Variants in SENP5 observed in about 807,000 individuals in gnomAD.
SENP5 encodes the protein sentrin-specific protease 5.
In SENP5, 21 loss-of-function variants were observed where a neutral mutation model predicts 74.2. The ratio of observed to expected loss-of-function variants is 0.28; its 90% confidence interval spans 0.20 to 0.41. The LOEUF is 0.41. Ranked by LOEUF, SENP5 falls within the 10% of genes least tolerant of loss-of-function variation. The probability of loss-of-function intolerance (pLI) is 1.00; values close to 1 mark genes in which losing one functional copy is unlikely to be tolerated. For synonymous variants in SENP5, 311 were observed against 312.7 expected, an observed-to-expected ratio of 0.99 and a Z score of 0.06; for missense variants, 717 against 889.1, an observed-to-expected ratio of 0.81 and a Z score of 2.46.
chr3:196,871,350 A>G (rs529873166), intron 1 of SENP5, among the ~76,000 whole-genome samples: 1 of 152,262 alleles, frequency 6.6e-6, no homozygotes, highest in African/African-American at 2.4e-5. Context: ...TTCTGACAGG[A>G]GACAAGTAGA....
chr3:196,912,117 A>G (rs749206560), intron 6 of SENP5, among the ~76,000 whole-genome samples: 9 of 152,208 alleles, frequency 5.9e-5, no homozygotes, highest in Non-Finnish European at 8.8e-5. Context: ...CTCTATAGAG[A>G]CATATGCGTG....
intron 1 of SENP5, among the ~76,000 whole-genome samples, chr3:196,884,678 T>TTTG (rs200526543): frequency 0.013 from 1,999 of 150,756 alleles, 56 homozygotes; most frequent in African/African-American, 0.047. Context: ...TTTTTTGTTT[T>TTTG]TTTTTTTTTT....
chr3:196,873,781 G>T (rs1713330441), intron 1 of SENP5, among the ~76,000 whole-genome samples: 1 of 152,144 alleles, frequency 6.6e-6, no homozygotes, highest in Admixed American at 6.5e-5. Context: ...GGAGCTTGCA[G>T]TGAGCTGAGA....
rs547194700 is a variant in SENP5 at position 196,894,739 on chromosome 3, C to T, written c.1514-4927C>T. On this transcript the variant is annotated intron_variant, in intron 2 of 9. Transcript: ENST00000323460. Reference sequence around the variant, plus strand: ...AGTTTTATCATTTGACAGGACCTGGCGCTCCTTATTCACCTCTCTCCTTTA... The same window carrying T: ...AGTTTTATCATTTGACAGGACCTGGTGCTCCTTATTCACCTCTCTCCTTTA... Among the ~76,000 whole-genome samples the T allele has an allele frequency of 3.0e-3, 454 of 152,136 alleles. 3 individuals carry two copies. The highest frequency in any genetic ancestry group is 5.3e-3 in the Non-Finnish European group (358 of 67,998).
intron 7 of SENP5, among the ~76,000 whole-genome samples, chr3:196,926,948 T>G (rs1423832647): frequency 6.6e-6 from 1 of 152,098 alleles, no homozygotes; most frequent in Non-Finnish European, 1.5e-5. Context: ...CTGGCCCTGG[T>G]CCACTTTTGT....
At chr3:196,871,956 T>C (rs1191624349) in intron 1 of SENP5, among the ~76,000 whole-genome samples, 3 of 152,166 alleles carry the variant, frequency 2.0e-5, no homozygotes, top group Non-Finnish European at 2.9e-5. Flanking sequence ...TAGCAAAACA[T>C]TTTGGAAGCT....
chr3:196,893,496 A>G (rs777865629), intron 2 of SENP5, among the ~76,000 whole-genome samples: 1 of 152,218 alleles, frequency 6.6e-6, no homozygotes, highest in Non-Finnish European at 1.5e-5. Context: ...TAATTGTTAC[A>G]TTATTTAGAG....
intron 2 of SENP5, among the ~76,000 whole-genome samples, chr3:196,898,195 G>GAA (rs1714531835): frequency 2.1e-5 from 3 of 145,532 alleles, no homozygotes; most frequent in Non-Finnish European, 4.6e-5. Flanking sequence ...AAAGAAAAAA[G>GAA]AAAAGAAAGA....
At position 196,906,798 on chromosome 3, in the gene SENP5, G is replaced by C. The variant is rs539562509; in HGVS notation, c.1884+3188G>C. 3.4e-4 allele frequency among the ~76,000 whole-genome samples: 52 copies of C among 152,270 alleles called. 1 individual carries two copies. In the South Asian group the frequency reaches 8.7e-3, roughly 25 times the overall value. On this transcript the variant is annotated intron_variant, in intron 6 of 9. Transcript: ENST00000323460. The stretch of plus-strand genomic sequence containing the variant: ...TAAATGTAATAGGAAACCATTGAAT[G>C]GTTTTTAGTGACATTATCCACTTTG...
intron 1 of SENP5, among the ~76,000 whole-genome samples, chr3:196,879,138 C>T (rs1713613014): frequency 6.6e-6 from 1 of 151,994 alleles, no homozygotes; most frequent in African/African-American, 2.4e-5. Context: ...ATCCTTGGAC[C>T]CCAGCGGTAA....
chr3:196,892,080 G>A (rs539780935), intron 2 of SENP5, among the ~76,000 whole-genome samples: 18 of 151,472 alleles, frequency 1.2e-4, no homozygotes, highest in African/African-American at 3.4e-4. Context: ...GTGAGTCACC[G>A]CGCCCGGCCG....
At chr3:196,897,263 C>A (rs1336385332) in intron 2 of SENP5, among the ~76,000 whole-genome samples, 1 of 152,128 alleles carries the variant, frequency 6.6e-6, no homozygotes, top group African/African-American at 2.4e-5. Flanking sequence ...TCCACTGGGC[C>A]CATTCCCCCA....
chr3:196,929,972 C>T (rs1715966673), intron 9 of SENP5, among the ~76,000 whole-genome samples: 1 of 141,948 alleles, frequency 7.0e-6, no homozygotes, highest in Non-Finnish European at 1.5e-5. Context: ...CATATCATAA[C>T]CATTGGCATT....
At position 196,885,893 on chromosome 3, in the gene SENP5, A is replaced by G; in HGVS notation, c.712A>G (p.Met238Val). The change falls in exon 2 of 10, where the codon ATG becomes GTG. Residue 238 changes from methionine to valine, a missense_variant. Physicochemically the swap from Met to Val is conservative, Grantham distance 21. Coordinates refer to ENST00000323460, the MANE Select transcript of SENP5 (RefSeq NM_152699.5). ...TCTTATGATGTATGAGAAATTATCC[A>G]TGATTAGATTTCGGTACAGGATTCT... ...SPLMMYEKLS[M>V]IRFRYRILRS... The G allele has an allele frequency of 6.2e-7, 1 of 1,613,666 alleles. No homozygotes were observed. The highest frequency in any genetic ancestry group is 8.5e-7 in the Non-Finnish European group (1 of 1,179,946).
rs748653790 is a variant in SENP5, at chr3:196,930,950, G to A, written c.*27G>A. ...ACTCAGCAGGGACTCTGGGAAGTCT[G>A]ACCAAGTTGGAGCAGATGGTTTGTT... On this transcript the variant is annotated 3_prime_UTR_variant, in exon 10 of 10. Transcript: ENST00000323460. The A allele has an allele frequency of 2.1e-6, 3 of 1,413,496 alleles. No homozygotes were observed. The South Asian group carries it at 3.5e-5, about 16-fold the overall frequency. 87.6% of individuals were successfully genotyped at this position (1,413,496 alleles called of 1,614,324 possible). A position where few individuals can be genotyped will look rare whatever the true frequency, so the allele number is the denominator to read the frequency against.
chr3:196,900,430 C>A lies in SENP5; in HGVS notation c.1806+18C>A. On this transcript the variant is annotated intron_variant, in intron 5 of 9. Coordinates refer to ENST00000323460, the MANE Select transcript of SENP5 (RefSeq NM_152699.5). ...CAGACAAAGTAAGTGAAAACTTCCT[C>A]TTCTGCAGGAGAGAGTGTTCTTGTG... The A allele has an allele frequency of 6.3e-7, 1 of 1,596,918 alleles. No individual in the cohort carries two copies. The highest frequency in any genetic ancestry group is 8.6e-7 in the Non-Finnish European group (1 of 1,169,534).
chr3:196,875,844 C>T (rs1022342608), intron 1 of SENP5, among the ~76,000 whole-genome samples: 1 of 152,060 alleles, frequency 6.6e-6, no homozygotes, highest in African/African-American at 2.4e-5. Context: ...ATCCTTCCAC[C>T]TCACCCTCCT....
rs962564622 is a variant in SENP5 at position 196,929,696 on chromosome 3, T to C, written c.2157+13T>C. On this transcript the variant is annotated intron_variant, in intron 9 of 9. Coordinates refer to ENST00000323460, the MANE Select transcript of SENP5 (RefSeq NM_152699.5). ...CTTTGTGCTCCAGGTAAAGAAACAC[T>C]TGCTTTTCGGAACTTACAATGTGTG... The C allele has an allele frequency of 6.3e-7, 1 of 1,596,790 alleles. No homozygotes were observed. Among genetic ancestry groups the C allele is most frequent in the African/African-American group, 1.3e-5 (1 of 74,576 alleles).
intron 6 of SENP5, among the ~76,000 whole-genome samples, chr3:196,908,706 C>G (rs922008035): frequency 3.9e-5 from 6 of 152,106 alleles, no homozygotes; most frequent in African/African-American, 1.4e-4. Flanking sequence ...GCCTGTAATC[C>G]CAGCTACTTG....
Sources: allele counts gnomAD v4.1 joint callset (sites outside exome capture counted in the v4.1 genomes callset), GRCh38; gene constraint gnomAD v4.1.1; transcripts MANE v1.5; gene names NCBI Gene and HGNC (gene_info 2026-07-23, HGNC 2026-07-21).